Variants in ACBD5 observed in about 807,000 individuals in gnomAD.
The protein encoded by ACBD5 is acyl-CoA binding domain containing 5, also known as acyl-CoA-binding domain-containing protein 5.
Under a neutral mutation model 71.8 loss-of-function variants are expected in ACBD5, and 40 were observed. The observed-to-expected ratio is 0.56, with a 90% CI of 0.43 to 0.72. ACBD5 has a LOEUF of 0.72. ACBD5 is among the 30% of genes least tolerant of loss of function. ACBD5 has a pLI of 0.00. For synonymous variants in ACBD5, 229 were observed against 218.6 expected (o/e 1.05, Z -0.42); for missense variants, 559 against 644.5 (o/e 0.87, Z 1.44).
chr10:27,203,231 C>G (rs1156521319), intron 12 of ACBD5, among the ~76,000 whole-genome samples: 2 of 151,932 alleles, frequency 1.3e-5, no homozygotes, highest in African/African-American at 4.8e-5. Flanking sequence ...AGCAATCCAC[C>G]CATCTCAGCT....
At chr10:27,219,331 A>G (rs1475012936) in intron 6 of ACBD5, among the ~76,000 whole-genome samples, 1 of 150,446 alleles carries the variant, frequency 6.6e-6, no homozygotes, top group East Asian at 1.9e-4. Context: ...AAAAAACACT[A>G]TGCCTTTATC....
At chr10:27,233,380 C>T (rs923259678) in intron 3 of ACBD5, among the ~76,000 whole-genome samples, 2 of 149,514 alleles carry the variant, frequency 1.3e-5, no homozygotes, top group East Asian at 2.0e-4. Context: ...GAGCCAAGAT[C>T]GCGCCACTGC....
At chr10:27,227,786 C>A (rs1191883333) in intron 4 of ACBD5, among the ~76,000 whole-genome samples, 5 of 151,896 alleles carry the variant, frequency 3.3e-5, no homozygotes, top group Non-Finnish European at 7.4e-5. Flanking sequence ...GATCTCGACT[C>A]CCTGCAACCT....
intron 2 of ACBD5, among the ~76,000 whole-genome samples, chr10:27,238,276 C>T (rs1319396278): frequency 6.6e-6 from 1 of 152,174 alleles, no homozygotes. Context: ...CGCACCCGGC[C>T]GATAGGGTAT....
At chr10:27,208,017 G>T (rs1431162550) in intron 10 of ACBD5, among the ~76,000 whole-genome samples, 1 of 152,120 alleles carries the variant, frequency 6.6e-6, no homozygotes, top group African/African-American at 2.4e-5. Context: ...TTACAGGCGT[G>T]AGCCACGGCG....
intron 8 of ACBD5, among the ~76,000 whole-genome samples, chr10:27,212,641 C>T (rs1036221294): frequency 2.1e-5 from 3 of 145,772 alleles, no homozygotes; most frequent in South Asian, 2.1e-4. Flanking sequence ...TGCAGTGGTG[C>T]GATCTTGGCT....
chr10:27,239,543 T>C (rs2065186879), intron 2 of ACBD5, among the ~76,000 whole-genome samples: 1 of 151,952 alleles, frequency 6.6e-6, no homozygotes, highest in Non-Finnish European at 1.5e-5. Context: ...AGGTCCAATA[T>C]GAGTATAAAA....
downstream of ACBD5, among the ~76,000 whole-genome samples, chr10:27,191,121 T>A (rs2059059887): frequency 6.6e-6 from 1 of 152,176 alleles, no homozygotes; most frequent in Admixed American, 6.5e-5. Flanking sequence ...GGGCTATTAT[T>A]CAGCGCTAAG....
At chr10:27,226,382 A>G (rs1217823651) in intron 4 of ACBD5, among the ~76,000 whole-genome samples, 1 of 151,508 alleles carries the variant, frequency 6.6e-6, no homozygotes, top group East Asian at 1.9e-4. Flanking sequence ...CATTTGCAAA[A>G]TTATCTCCCT....
rs370557975 is a variant in ACBD5 at position 27,218,065 on chromosome 10, G to T, written c.744C>A (p.Ser248=). ...DIQNDIHASS[S]LNGRSTEEVK... ...CTTCTTCAGTGCTTCTGCCATTCAG[G>T]GAAGAACTGGCATGAATGTCATTCT... The change falls in exon 7 of 13, where the codon TCC becomes TCA. Residue 248 remains serine, a synonymous_variant. Transcript: ENST00000396271. 3 of 1,613,950 alleles carry T rather than the reference G, an allele frequency of 1.9e-6. No individual in the cohort carries two copies. In the African/African-American group the frequency reaches 4.0e-5, roughly 22 times the overall value.
intron 12 of ACBD5, among the ~76,000 whole-genome samples, chr10:27,200,196 A>C (rs944458674): frequency 6.6e-6 from 1 of 152,130 alleles, no homozygotes; most frequent in East Asian, 1.9e-4. Flanking sequence ...GACCTTGCTG[A>C]TAAAACATGT....
At chr10:27,185,395 G>C (rs2058635863) in intron 13 of ACBD5, among the ~76,000 whole-genome samples, 1 of 152,124 alleles carries the variant, frequency 6.6e-6, no homozygotes, top group African/African-American at 2.4e-5. Flanking sequence ...CACTTTGGGA[G>C]GCTGAGGCGG....
intron 13 of ACBD5, among the ~76,000 whole-genome samples, chr10:27,185,574 A>G (rs1485992933): frequency 1.4e-5 from 2 of 145,028 alleles, no homozygotes; most frequent in Non-Finnish European, 3.0e-5. Context: ...CAGAGTTTGC[A>G]GTGAGCCGAG....
chr10:27,192,908 G>A (rs1202922276), downstream of ACBD5, among the ~76,000 whole-genome samples: 1 of 151,710 alleles, frequency 6.6e-6, no homozygotes, highest in Admixed American at 6.6e-5. Context: ...GATGGAGGTT[G>A]CAGTGAGACG....
Position 27,195,641 on chromosome 10 carries a change from C to T in ACBD5, c.*1789G>A, listed in dbSNP as rs1564530507. ...ATTCAGTTGCTTGCTTCACTTTTTC[C>T]TAAATAAATAGGGAACACTTTTTTA... On this transcript the variant is annotated 3_prime_UTR_variant, in exon 13 of 13. Coordinates refer to ENST00000396271, the MANE Select transcript of ACBD5 (RefSeq NM_145698.5). 5 of 421,130 alleles carry T rather than the reference C, an allele frequency of 1.2e-5. No individual in the cohort carries two copies. The Admixed American group carries it at 1.5e-4, about 12-fold the overall frequency. 26.1% of individuals were successfully genotyped at this position (421,130 alleles called of 1,614,324 possible).
chr10:27,223,366 CTT>C lies in ACBD5; in HGVS notation c.460_461del (p.Lys154GlufsTer6). On this transcript the variant is annotated frameshift_variant, in exon 5 of 13. Transcript: ENST00000396271. LOFTEE classifies it high-confidence loss of function. ...AGGTTATATCAGAACTCCTGCCACT[CTT>C]TTTGTCCTCGACAATTTCATAAAAT... ...GPFYEIVEDK[K>X]SGRSSDITSD... 6.2e-7 allele frequency: 1 copy of C among 1,613,848 alleles called. No homozygotes were observed. Among genetic ancestry groups the C allele is most frequent in the Non-Finnish European group, 8.5e-7 (1 of 1,179,924 alleles).
At chr10:27,217,242 G>T (rs1220840472) in intron 7 of ACBD5, among the ~76,000 whole-genome samples, 1 of 144,366 alleles carries the variant, frequency 6.9e-6, no homozygotes, top group African/African-American at 2.6e-5. Context: ...GATCACTTAA[G>T]GTCAGGAGTT....
Position 27,240,472 on chromosome 10 carries a change from A to G in ACBD5, c.28T>C (p.Ser10Pro). 1 of 1,611,266 alleles carries G rather than the reference A, an allele frequency of 6.2e-7. No homozygotes were observed. The highest frequency in any genetic ancestry group is 8.5e-7 in the Non-Finnish European group (1 of 1,178,542). Reference sequence around the variant, plus strand: ...CAGCAGCAGCACCAGCTTTCCCAAGAGCCTGCATGAAACTGGAACATGGAG... The same window carrying G: ...CAGCAGCAGCACCAGCTTTCCCAAGGGCCTGCATGAAACTGGAACATGGAG... The part of the protein sequence containing the change: MLFLSFHAG[S>P]WESWCCCCLI... Residue 10 changes from serine (S) to proline (P), a missense_variant, in exon 2 of 13, where the codon TCT becomes CCT. Coordinates refer to ENST00000396271, the MANE Select transcript of ACBD5 (RefSeq NM_145698.5). This position sits in a 1 kb window ranked among gnomAD's most constrained non-coding sequence, Gnocchi z 4.1.
intron 4 of ACBD5, among the ~76,000 whole-genome samples, chr10:27,231,038 A>G (rs1260269738): frequency 6.6e-6 from 1 of 152,168 alleles, no homozygotes; most frequent in African/African-American, 2.4e-5. Flanking sequence ...ACCTACCTCA[A>G]TTTACGAGTG....
Sources: allele counts gnomAD v4.1 joint callset (sites outside exome capture counted in the v4.1 genomes callset), GRCh38; gene constraint gnomAD v4.1.1; non-coding constraint Gnocchi (gnomAD v3.1); transcripts MANE v1.5; gene names NCBI Gene and HGNC (gene_info 2026-07-23, HGNC 2026-07-21).